SLX4IP: variants seen among roughly 807,000 people sequenced by gnomAD.
SLX4IP encodes protein SLX4IP.
SLX4IP carries 34 observed loss-of-function variants against 32.9 expected under a neutral mutation model. The observed-to-expected ratio is 1.03, with a 90% confidence interval of 0.79 to 1.38. SLX4IP has a LOEUF of 1.38. Ranked by LOEUF, SLX4IP falls within the 40% of genes most tolerant of loss-of-function variation. The pLI, the probability that SLX4IP is intolerant of heterozygous loss-of-function variation, is 0.00. For synonymous variants in SLX4IP, 172 were observed against 171.7 expected (o/e 1.00, Z -0.01); for missense variants, 444 against 479.0 (o/e 0.93, Z 0.68).
intron 2 of SLX4IP, among the ~76,000 whole-genome samples, chr20:10,548,567 C>G (rs1360957351): frequency 6.6e-6 from 1 of 152,176 alleles, no homozygotes; most frequent in Non-Finnish European, 1.5e-5. Flanking sequence ...GTGTTATGAT[C>G]TCATATTCAG....
chr20:10,568,712 C>G (rs776746190), intron 4 of SLX4IP, among the ~76,000 whole-genome samples: 1 of 152,112 alleles, frequency 6.6e-6, no homozygotes, highest in East Asian at 1.9e-4. Flanking sequence ...TTCACCTAGC[C>G]CATAATTACT....
Position 10,458,155 on chromosome 20 carries a change from TA to T in SLX4IP, c.-29-19del. 6.6e-7 allele frequency: 1 copy of T among 1,510,864 alleles called. No homozygotes were observed. The allele number at this position is 1,510,864 out of a possible 1,614,324, so 93.6% of individuals were successfully genotyped here. ...AAAGAAATTTTAATATACCTAATTGTAACTTTTTTTTTTCTTAAAGGTCTGT... is the reference window on the plus strand; with the variant it reads ...AAAGAAATTTTAATATACCTAATTGTACTTTTTTTTTTCTTAAAGGTCTGT... On this transcript the variant is annotated intron_variant, in intron 1 of 7. Coordinates refer to ENST00000334534, the MANE Select transcript of SLX4IP (RefSeq NM_001009608.3).
At chr20:10,526,464 G>A (rs1280712236) in intron 2 of SLX4IP, among the ~76,000 whole-genome samples, 1 of 152,186 alleles carries the variant, frequency 6.6e-6, no homozygotes, top group Non-Finnish European at 1.5e-5. Context: ...TTTCTGACAC[G>A]TGCTGGTATT....
chr20:10,475,130 G>A (rs1339650363), intron 2 of SLX4IP, among the ~76,000 whole-genome samples: 1 of 152,230 alleles, frequency 6.6e-6, no homozygotes, highest in South Asian at 2.1e-4. Flanking sequence ...TTCCCTGGAA[G>A]CACTGCATTC....
At chr20:10,597,676 A>T (rs2066787803) in intron 4 of SLX4IP, among the ~76,000 whole-genome samples, 1 of 152,164 alleles carries the variant, frequency 6.6e-6, no homozygotes, top group South Asian at 2.1e-4. Flanking sequence ...CTGTTGATGG[A>T]TATTTGCATT....
chr20:10,580,499 CTTT>C (rs71186104), intron 4 of SLX4IP, among the ~76,000 whole-genome samples: 2 of 134,838 alleles, frequency 1.5e-5, no homozygotes, highest in Non-Finnish European at 3.1e-5. Context: ...TAGACTTACC[CTTT>C]TTTTTTTTTT....
intron 2 of SLX4IP, among the ~76,000 whole-genome samples, chr20:10,499,541 A>T (rs2065698413): frequency 6.6e-6 from 1 of 152,196 alleles, no homozygotes; most frequent in Non-Finnish European, 1.5e-5. Flanking sequence ...GATAATTTTC[A>T]TGAAAATCAA....
chr20:10,489,195 G>A (rs1036435083), intron 2 of SLX4IP, among the ~76,000 whole-genome samples: 25 of 152,152 alleles, frequency 1.6e-4, no homozygotes, highest in Non-Finnish European at 3.1e-4. Flanking sequence ...AAGTCGAGGA[G>A]TTCTGTATGG....
intron 6 of SLX4IP, among the ~76,000 whole-genome samples, chr20:10,606,870 C>G (rs1330762742): frequency 6.6e-6 from 1 of 152,032 alleles, no homozygotes; most frequent in African/African-American, 2.4e-5. Flanking sequence ...TTGACAAACT[C>G]TGCTACATGA....
chr20:10,440,551 A>G (rs1303723721), intron 1 of SLX4IP, among the ~76,000 whole-genome samples: 2 of 152,142 alleles, frequency 1.3e-5, no homozygotes, highest in East Asian at 1.9e-4. Context: ...CAGAGTTTTA[A>G]TCAGTGCATT....
At chr20:10,572,611 G>C (rs575358701) in intron 4 of SLX4IP, among the ~76,000 whole-genome samples, 1 of 152,144 alleles carries the variant, frequency 6.6e-6, no homozygotes, top group Admixed American at 6.5e-5. Context: ...ATTCTATTCT[G>C]TATAACCTTT....
chr20:10,573,976 G>A (rs1342401812), intron 4 of SLX4IP, among the ~76,000 whole-genome samples: 1 of 152,122 alleles, frequency 6.6e-6, no homozygotes, highest in East Asian at 1.9e-4. Flanking sequence ...TTCAGGAATG[G>A]GTAATTTGTA....
intron 4 of SLX4IP, among the ~76,000 whole-genome samples, chr20:10,597,796 T>G (rs1050956948): frequency 3.9e-5 from 6 of 152,238 alleles, no homozygotes; most frequent in Non-Finnish European, 8.8e-5. Context: ...TGTACCAATT[T>G]GTACTCCTGC....
intron 2 of SLX4IP, among the ~76,000 whole-genome samples, chr20:10,526,636 CCTCT>C (rs1462401345): frequency 2.0e-5 from 3 of 151,612 alleles, no homozygotes; most frequent in African/African-American, 7.3e-5. Context: ...TATTCTCTCC[CCTCT>C]CTCTCTCTCT....
chr20:10,569,045 G>C (rs1027392334), intron 4 of SLX4IP, among the ~76,000 whole-genome samples: 1 of 152,142 alleles, frequency 6.6e-6, no homozygotes, highest in African/African-American at 2.4e-5. Context: ...GGATGCACTT[G>C]TAACGTTATT....
At chr20:10,503,124 G>A (rs926037671) in intron 2 of SLX4IP, among the ~76,000 whole-genome samples, 2 of 152,150 alleles carry the variant, frequency 1.3e-5, no homozygotes, top group African/African-American at 2.4e-5. Flanking sequence ...CCTGCCATCT[G>A]TCCTCCCACA....
intron 2 of SLX4IP, among the ~76,000 whole-genome samples, chr20:10,464,405 G>T (rs1049496575): frequency 1.3e-5 from 2 of 152,140 alleles, no homozygotes; most frequent in Non-Finnish European, 2.9e-5. Flanking sequence ...TGTAGGCTGC[G>T]TACAGTGGTT....
chr20:10,452,680 A>AAAAATATATATATATATATATATAT (rs1326662021), intron 1 of SLX4IP, among the ~76,000 whole-genome samples: 2 of 109,520 alleles, frequency 1.8e-5, no homozygotes, highest in African/African-American at 7.0e-5. Context: ...AAAAAAAAAA[A>AAAAATATATATATATATATATATAT]ATATATATAT....
intron 1 of SLX4IP, among the ~76,000 whole-genome samples, chr20:10,457,287 A>G (rs557470113): frequency 6.6e-5 from 10 of 152,140 alleles, no homozygotes; most frequent in Non-Finnish European, 1.3e-4. Flanking sequence ...ATGTAAAGAC[A>G]TGTCTCTCAT....
Sources: allele counts gnomAD v4.1 joint callset (sites outside exome capture counted in the v4.1 genomes callset), GRCh38; gene constraint gnomAD v4.1.1; transcripts MANE v1.5; gene names NCBI Gene and HGNC (gene_info 2026-07-23, HGNC 2026-07-21).